The following ATP9B variants were observed in gnomAD, a reference collection of about 807,000 sequenced individuals.
The protein encoded by ATP9B is probable phospholipid-transporting ATPase IIB.
Under a neutral mutation model 146.1 loss-of-function variants are expected in ATP9B, and 110 were observed. That is an observed-to-expected ratio of 0.75 (90% confidence interval 0.65 to 0.88). The LOEUF is 0.88. Among genes scored for constraint, ATP9B ranks in the 40% least tolerant of loss-of-function variants. The pLI is 0.00. For missense variants in ATP9B, 1,499 were observed against 1,496.4 expected (o/e 1.00, Z -0.03); for synonymous variants, 604 against 569.7 (o/e 1.06, Z -0.86).
intron 1 of ATP9B, among the ~76,000 whole-genome samples, chr18:79,082,450 G>A (rs1389997029): frequency 6.6e-6 from 1 of 152,178 alleles, no homozygotes; most frequent in Admixed American, 6.5e-5. Context: ...TCTCTTGCAG[G>A]TGAGGAGTTG....
chr18:79,249,376 A>AT (rs1304359169), intron 11 of ATP9B, among the ~76,000 whole-genome samples: 2 of 152,228 alleles, frequency 1.3e-5, no homozygotes, highest in Non-Finnish European at 2.9e-5. Flanking sequence ...AGCATATTTA[A>AT]TTTTGTTATT....
chr18:79,347,845 C>A lies in ATP9B; in HGVS notation c.2758C>A (p.His920Asn), dbSNP rs778188139. The A allele has an allele frequency of 6.2e-7, 1 of 1,613,780 alleles. No homozygotes were observed. Among genetic ancestry groups the A allele is most frequent in the South Asian group, 1.1e-5 (1 of 91,060 alleles). ...FRHIGRLLMV[H>N]GRNSYKRSAA... ...GCACATAGGCAGGCTGCTCATGGTG[C>A]ACGGGCGGAACAGCTACAAGAGGTC... The change falls in exon 24 of 30, where the codon CAC becomes AAC. Residue 920 changes from histidine to asparagine, a missense_variant. Transcript: ENST00000426216.
intron 11 of ATP9B, among the ~76,000 whole-genome samples, chr18:79,244,830 G>A (rs2095927016): frequency 6.6e-6 from 1 of 152,152 alleles, no homozygotes; most frequent in Admixed American, 6.5e-5. Context: ...TGCGTGCTCT[G>A]TATTTTAAAT....
intron 17 of ATP9B, among the ~76,000 whole-genome samples, chr18:79,333,181 G>A (rs1255112834): frequency 6.6e-6 from 1 of 152,178 alleles, no homozygotes; most frequent in African/African-American, 2.4e-5. Context: ...CAAATGTGCG[G>A]CTGTGCCCGG....
intron 11 of ATP9B, among the ~76,000 whole-genome samples, chr18:79,246,726 C>T (rs1374232751): frequency 1.3e-5 from 2 of 152,224 alleles, no homozygotes; most frequent in African/African-American, 2.4e-5. Context: ...CCCCGCGCTC[C>T]CCGCGCTCCC....
At chr18:79,247,167 T>C (rs2095976040) in intron 11 of ATP9B, among the ~76,000 whole-genome samples, 1 of 152,232 alleles carries the variant, frequency 6.6e-6, no homozygotes, top group Admixed American at 6.5e-5. Context: ...GCTTTGCATG[T>C]GCTGACCTTT....
intron 15 of ATP9B, among the ~76,000 whole-genome samples, chr18:79,325,723 C>T (rs1178740478): frequency 2.0e-5 from 3 of 152,162 alleles, no homozygotes; most frequent in Non-Finnish European, 4.4e-5. Context: ...GTCACCTCCA[C>T]GCAGCACCGG....
chr18:79,235,792 G>A (rs2095836536), intron 11 of ATP9B, among the ~76,000 whole-genome samples: 1 of 144,654 alleles, frequency 6.9e-6, no homozygotes, highest in Non-Finnish European at 1.5e-5. Context: ...CTAGTGTGTA[G>A]TCATAGGCAT....
chr18:79,200,597 A>G (rs2095460479), intron 9 of ATP9B, among the ~76,000 whole-genome samples: 1 of 149,240 alleles, frequency 6.7e-6, no homozygotes, highest in African/African-American at 2.5e-5. Context: ...ATGCTCTCTG[A>G]CCAAGTGGGC....
chr18:79,125,821 T>A (rs541779052), intron 4 of ATP9B, among the ~76,000 whole-genome samples: 1 of 152,328 alleles, frequency 6.6e-6, no homozygotes, highest in East Asian at 1.9e-4. Flanking sequence ...AAAATCGATG[T>A]GTGATTATCT....
chr18:79,156,097 G>A (rs768784002), intron 7 of ATP9B, among the ~76,000 whole-genome samples: 2 of 152,130 alleles, frequency 1.3e-5, no homozygotes, highest in Non-Finnish European at 2.9e-5. Context: ...TAGTTACATG[G>A]TTACTTACAT....
chr18:79,200,789 G>GGGAACGTTGGGGTCGGAGCA (rs1244770040), intron 9 of ATP9B, among the ~76,000 whole-genome samples: 1 of 79,122 alleles, frequency 1.3e-5, no homozygotes, highest in Non-Finnish European at 2.9e-5. Context: ...AAGTAGTGGT[G>GGGAACGTTGGGGTCGGAGCA]GAATTGTTTT....
intron 9 of ATP9B, 64 bp from the exon 10 acceptor site, chr18:79,206,872 TA>T (rs147600495): frequency 0.018 from 26,360 of 1,463,710 alleles, 308 homozygotes; most frequent in Non-Finnish European, 0.022. Context: ...ATACTGAGGT[TA>T]TATAAGGTGT....
intron 5 of ATP9B, among the ~76,000 whole-genome samples, chr18:79,140,287 T>C (rs1017814978): frequency 2.0e-5 from 3 of 152,136 alleles, no homozygotes; most frequent in African/African-American, 7.2e-5. Context: ...TATTTTTTGA[T>C]ACAAATATGA....
intron 15 of ATP9B, among the ~76,000 whole-genome samples, chr18:79,317,414 G>C (rs2096687067): frequency 6.6e-6 from 1 of 152,150 alleles, no homozygotes; most frequent in Non-Finnish European, 1.5e-5. Flanking sequence ...TAAGTGACTA[G>C]TATGCTGAAT....
chr18:79,362,288 G>T (rs1353191935), intron 26 of ATP9B: 2 of 152,226 alleles, frequency 1.3e-5, no homozygotes, highest in Middle Eastern at 6.8e-3. Context: ...CCAACCTCAA[G>T]TATAAACATT....
In ATP9B at chr18:79,204,866, G is replaced by A. The variant is rs138619313; in HGVS notation, c.955-2071G>A. Reference sequence around the variant, plus strand: ...CTACTGAGATCATATTGTAGATGACGTAACCAAGGTACTGTTTATTTAAAT... The same window carrying A: ...CTACTGAGATCATATTGTAGATGACATAACCAAGGTACTGTTTATTTAAAT... On this transcript the variant is annotated intron_variant, in intron 9 of 29. Transcript: ENST00000426216. 1.4e-4 allele frequency among the ~76,000 whole-genome samples: 21 copies of A among 152,256 alleles called. 2 individuals are homozygous for A. The East Asian group carries it at 3.7e-3, about 27-fold the overall frequency.
Position 79,174,311 on chromosome 18 carries a change from A to G in ATP9B, c.779-2502A>G, listed in dbSNP as rs546193711. 438 of 192,326 alleles carry G rather than the reference A, an allele frequency of 2.3e-3. 1 individual carries two copies. The highest frequency in any genetic ancestry group is 6.3e-3 in the South Asian group (82 of 13,090). The allele number at this position is 192,326 out of a possible 1,614,324, so 11.9% of individuals were successfully genotyped here. On this transcript the variant is annotated intron_variant, in intron 7 of 29. Coordinates refer to ENST00000426216, the MANE Select transcript of ATP9B (RefSeq NM_198531.5). ...CTCATTAAATGGCCAGTCTTGCTTC[A>G]TCCGTATGTCTCATTTGGATGAAAT...
intron 19 of ATP9B, among the ~76,000 whole-genome samples, chr18:79,341,085 G>A (rs2096855583): frequency 6.6e-6 from 1 of 152,350 alleles, no homozygotes; most frequent in Non-Finnish European, 1.5e-5. Context: ...CTGTGCTCTC[G>A]CTTGTTCCAC....
Sources: allele counts gnomAD v4.1 joint callset (sites outside exome capture counted in the v4.1 genomes callset), GRCh38; gene constraint gnomAD v4.1.1; transcripts MANE v1.5; gene names NCBI Gene and HGNC (gene_info 2026-07-23, HGNC 2026-07-21).